HECW2: variants seen among roughly 807,000 people sequenced by gnomAD.
The protein encoded by HECW2 is E3 ubiquitin-protein ligase HECW2.
HECW2 carries 61 observed loss-of-function variants against 175.2 expected under a neutral mutation model. That is an observed-to-expected ratio of 0.35 (90% CI 0.28 to 0.43). The LOEUF is 0.43. Ranked by LOEUF, HECW2 falls within the 20% of genes least tolerant of loss-of-function variation. The probability of loss-of-function intolerance (pLI) is 1.00; values close to 1 mark genes in which losing one functional copy is unlikely to be tolerated. For missense variants in HECW2, 1,524 were observed against 2,000.5 expected, an observed-to-expected ratio of 0.76 and a Z score of 4.54; for synonymous variants, 671 against 731.0, an observed-to-expected ratio of 0.92 and a Z score of 1.32.
intron 21 of HECW2, among the ~76,000 whole-genome samples, chr2:196,235,639 T>G (rs1688218137): frequency 6.8e-6 from 1 of 147,174 alleles, no homozygotes; most frequent in Non-Finnish European, 1.5e-5. Context: ...CACAGGTAGA[T>G]GCATTATTCT....
At chr2:196,433,811 C>CCA (rs1214218276) in intron 1 of HECW2, among the ~76,000 whole-genome samples, 5 of 152,160 alleles carry the variant, frequency 3.3e-5, no homozygotes, top group African/African-American at 1.2e-4. Flanking sequence ...GTTTTCCATC[C>CCA]CACACACATA....
chr2:196,543,984 C>G (rs945767258), intron 1 of HECW2, among the ~76,000 whole-genome samples: 1 of 152,194 alleles, frequency 6.6e-6, no homozygotes, highest in Non-Finnish European at 1.5e-5. Flanking sequence ...ATTCTCAGGG[C>G]ATTCAGTTCA....
rs41357946 is a variant in HECW2, at chr2:196,447,656, T to A, written c.-35-14198A>T. ...GAAAGTTAACAGAGGCTTGAAATAG[T>A]TTTTGCAATATGACTTTCTTTATGA... is the stretch of plus-strand genomic sequence containing the variant. On this transcript the variant is annotated intron_variant, in intron 1 of 28. Coordinates refer to ENST00000644978, the MANE Select transcript of HECW2 (RefSeq NM_001348768.2). Among the ~76,000 whole-genome samples the A allele has an allele frequency of 8.5e-3, 1,297 of 152,306 alleles. 18 individuals are homozygous for A. The highest frequency in any genetic ancestry group is 0.029 in the African/African-American group (1,225 of 41,558).
intron 13 of HECW2, among the ~76,000 whole-genome samples, chr2:196,296,192 G>T (rs1374784496): frequency 6.6e-6 from 1 of 152,090 alleles, no homozygotes; most frequent in Non-Finnish European, 1.5e-5. Flanking sequence ...TCTATAGTTT[G>T]GGAAGGATAT....
At chr2:196,558,523 C>T (rs1034490547) in intron 1 of HECW2, among the ~76,000 whole-genome samples, 2 of 152,194 alleles carry the variant, frequency 1.3e-5, no homozygotes, top group Non-Finnish European at 2.9e-5. Flanking sequence ...TCATAGAAAA[C>T]AACACCAGGT....
chr2:196,520,524 T>A (rs1280014431), intron 1 of HECW2, among the ~76,000 whole-genome samples: 1 of 152,224 alleles, frequency 6.6e-6, no homozygotes, highest in Admixed American at 6.5e-5. Flanking sequence ...ACAGGTTGCA[T>A]ATTTGTTTTT....
chr2:196,478,857 T>A (rs79584373), intron 1 of HECW2, among the ~76,000 whole-genome samples: 10,167 of 152,142 alleles, frequency 0.067, 454 homozygotes, highest in Middle Eastern at 0.13. Context: ...ACAACCTCTA[T>A]TTGTGGTACA....
Position 196,317,487 on chromosome 2 carries a change from A to AT in HECW2, c.2339-119dup, listed in dbSNP as rs1204356668. On this transcript the variant is annotated intron_variant, in intron 9 of 28. Coordinates refer to ENST00000644978, the MANE Select transcript of HECW2 (RefSeq NM_001348768.2). Reference sequence around the variant, plus strand: ...TAGTTTCTTTTCTCTGTTTAGTCTCATTTCCCATATGAGGACCTAGAAACA... The same window carrying AT: ...TAGTTTCTTTTCTCTGTTTAGTCTCATTTTCCCATATGAGGACCTAGAAACA... 5 of 735,706 alleles carry AT rather than the reference A, an allele frequency of 6.8e-6. No individual in the cohort carries two copies. In the African/African-American group the frequency reaches 8.8e-5, roughly 13 times the overall value. The allele number at this position is 735,706 out of a possible 1,614,324, so 45.6% of individuals were successfully genotyped here. A position where few individuals can be genotyped will look rare whatever the true frequency, so the allele number is the denominator to read the frequency against.
intron 1 of HECW2, among the ~76,000 whole-genome samples, chr2:196,582,692 G>C (rs895272452): frequency 1.3e-5 from 2 of 152,192 alleles, no homozygotes; most frequent in African/African-American, 4.8e-5. Context: ...AGTTGATCCA[G>C]AACAGGTACT....
chr2:196,220,029 C>A lies in HECW2; in HGVS notation c.4408+10G>T, dbSNP rs201066286. On this transcript the variant is annotated intron_variant, in intron 26 of 28. Coordinates refer to ENST00000644978, the MANE Select transcript of HECW2 (RefSeq NM_001348768.2). ...ATTTAAAATCTAGCCATCTATAAAT[C>A]AAATTTCACCTCCTCTATATTCTGT... is the stretch of plus-strand genomic sequence containing the variant. 5.8e-6 allele frequency: 9 copies of A among 1,544,076 alleles called. No individual in the cohort carries two copies. Among genetic ancestry groups the A allele is most frequent in the Non-Finnish European group, 8.1e-6 (9 of 1,117,150 alleles).
chr2:196,196,425 C>A lies in HECW2; in HGVS notation c.*4852G>T, dbSNP rs1001143808. 1.3e-5 allele frequency: 2 copies of A among 152,180 alleles called. No homozygotes were observed. The highest frequency in any genetic ancestry group is 2.4e-5 in the African/African-American group (1 of 41,424). The allele number at this position is 152,180 out of a possible 1,614,324, so 9.4% of individuals were successfully genotyped here. ...AATTAGAGTCTAAAAGTGACATTCTCATCAAACTCACGGCAGTAAGATGGA... is the reference window on the plus strand; with the variant it reads ...AATTAGAGTCTAAAAGTGACATTCTAATCAAACTCACGGCAGTAAGATGGA... On this transcript the variant is annotated 3_prime_UTR_variant, in exon 29 of 29. Transcript: ENST00000644978.
rs530585371 is a variant in HECW2 at position 196,548,273 on chromosome 2, T to C, written c.-36+45235A>G. Reference sequence around the variant, plus strand: ...TGAATCGGGGAGGTGGAGGTTGCAGTGGGCTGAGATCTCGCCAGTGCACTC... The same window carrying C: ...TGAATCGGGGAGGTGGAGGTTGCAGCGGGCTGAGATCTCGCCAGTGCACTC... On this transcript the variant is annotated intron_variant, in intron 1 of 28. Coordinates refer to ENST00000644978, the MANE Select transcript of HECW2 (RefSeq NM_001348768.2). Among the ~76,000 whole-genome samples, 193 of 146,000 alleles carry C rather than the reference T, an allele frequency of 1.3e-3. 1 individual carries two copies. Among genetic ancestry groups the C allele is most frequent in the African/African-American group, 4.8e-3 (188 of 39,238 alleles).
chr2:196,537,252 G>A (rs766126394), intron 1 of HECW2, among the ~76,000 whole-genome samples: 2 of 152,068 alleles, frequency 1.3e-5, no homozygotes, highest in Admixed American at 6.5e-5. Context: ...CTGACAAAGC[G>A]ATACTGGGGA....
intron 1 of HECW2, among the ~76,000 whole-genome samples, chr2:196,546,984 A>G (rs553089982): frequency 6.6e-6 from 1 of 152,326 alleles, no homozygotes; most frequent in East Asian, 1.9e-4. Flanking sequence ...GCATCGGGAA[A>G]GTATGACAGC....
intron 2 of HECW2, among the ~76,000 whole-genome samples, chr2:196,377,403 T>C (rs1017688483): frequency 2.6e-5 from 4 of 152,266 alleles, no homozygotes; most frequent in South Asian, 4.1e-4. Flanking sequence ...AGGAAAGAGG[T>C]TTAACTGACT....
At chr2:196,207,197 G>C (rs1158347980) in intron 28 of HECW2, among the ~76,000 whole-genome samples, 1 of 152,170 alleles carries the variant, frequency 6.6e-6, no homozygotes. Flanking sequence ...AAGAAAAGTG[G>C]GTTGGCAGAG....
chr2:196,252,122 C>T (rs936727375), intron 19 of HECW2, among the ~76,000 whole-genome samples: 34 of 151,192 alleles, frequency 2.2e-4, no homozygotes. Context: ...TTACTTGAAC[C>T]TGGGAGATCA....
chr2:196,428,238 CT>C (rs1367688047), intron 2 of HECW2, among the ~76,000 whole-genome samples: 1 of 152,152 alleles, frequency 6.6e-6, no homozygotes, highest in African/African-American at 2.4e-5. Flanking sequence ...CTAGAAGTTG[CT>C]AGGAAACAGG....
At chr2:196,305,948 G>A (rs1373668869) in intron 13 of HECW2, among the ~76,000 whole-genome samples, 5 of 152,050 alleles carry the variant, frequency 3.3e-5, no homozygotes, top group Non-Finnish European at 7.4e-5. Context: ...GGAGACTCGT[G>A]GAATAATCCT....
Sources: allele counts gnomAD v4.1 joint callset (sites outside exome capture counted in the v4.1 genomes callset), GRCh38; gene constraint gnomAD v4.1.1; transcripts MANE v1.5; gene names NCBI Gene and HGNC (gene_info 2026-07-23, HGNC 2026-07-21).